CDK8: variants seen among roughly 807,000 people sequenced by gnomAD.
CDK8 encodes the protein cyclin-dependent kinase 8.
A neutral mutation model predicts 71.5 loss-of-function variants in CDK8; 29 were observed. That is an observed-to-expected ratio of 0.41 (90% CI 0.30 to 0.55). The LOEUF (loss-of-function observed/expected upper bound fraction) is 0.55, where lower values mean the gene tolerates loss of function less well. Ranked by LOEUF, CDK8 falls within the 20% of genes least tolerant of loss-of-function variation. The pLI is 0.37. For missense variants in CDK8, 288 were observed against 572.6 expected, an observed-to-expected ratio of 0.50 and a Z score of 5.07; for synonymous variants, 161 against 192.1, an observed-to-expected ratio of 0.84 and a Z score of 1.34.
intron 1 of CDK8, among the ~76,000 whole-genome samples, chr13:26,335,354 T>G (rs1872933423): frequency 6.6e-6 from 1 of 152,222 alleles, no homozygotes; most frequent in South Asian, 2.1e-4. Flanking sequence ...TGCAGATTTT[T>G]GTACTATTTG....
At chr13:26,359,294 A>G (rs1874030763) in intron 4 of CDK8, among the ~76,000 whole-genome samples, 1 of 151,668 alleles carries the variant, frequency 6.6e-6, no homozygotes, top group Non-Finnish European at 1.5e-5. Flanking sequence ...CGGTGGTTGC[A>G]CAGCATTATG....
At chr13:26,361,942 A>G (rs192879640) in intron 4 of CDK8, among the ~76,000 whole-genome samples, 7 of 151,482 alleles carry the variant, frequency 4.6e-5, no homozygotes, top group Non-Finnish European at 8.8e-5. Context: ...TTTGTAAATT[A>G]ATTTTCTAAT....
chr13:26,330,528 G>C (rs1360183763), intron 1 of CDK8, among the ~76,000 whole-genome samples: 1 of 151,996 alleles, frequency 6.6e-6, no homozygotes, highest in East Asian at 1.9e-4. Context: ...TTATCTTACT[G>C]TATGTTTATA....
At chr13:26,266,471 C>T (rs1165683988) in intron 1 of CDK8, among the ~76,000 whole-genome samples, 3 of 152,092 alleles carry the variant, frequency 2.0e-5, no homozygotes, top group African/African-American at 7.2e-5. Flanking sequence ...GAGTGTACAG[C>T]TTACTGGCTG....
intron 6 of CDK8, among the ~76,000 whole-genome samples, chr13:26,386,227 T>G (rs1361372592): frequency 1.3e-5 from 2 of 152,246 alleles, no homozygotes; most frequent in Admixed American, 1.3e-4. Flanking sequence ...TTGCTAACCA[T>G]AGTTCCCACA....
At chr13:26,353,631 A>G (rs1048725631) in intron 3 of CDK8, 109 bp from the exon 4 acceptor site, 3 of 845,962 alleles carry the variant, frequency 3.5e-6, no homozygotes, top group Admixed American at 2.9e-5. Flanking sequence ...TATATTTTCA[A>G]TATCTATGGG....
At chr13:26,371,891 T>A (rs1326134744) in intron 4 of CDK8, among the ~76,000 whole-genome samples, 1 of 152,180 alleles carries the variant, frequency 6.6e-6, no homozygotes, top group Non-Finnish European at 1.5e-5. Flanking sequence ...GTGCTGAGAT[T>A]ACGAGCATGA....
chr13:26,362,222 AGATGGATGGATG>A lies in CDK8; in HGVS notation c.456+8378_456+8389del, dbSNP rs66479948. ...GATGTATGTGTGGATGATAGATGATAGATGGATGGATGGATGGATGGATGGATGGATGGATGG... is the reference window on the plus strand; with the variant it reads ...GATGTATGTGTGGATGATAGATGATAGATGGATGGATGGATGGATGGATGG... On this transcript the variant is annotated intron_variant, in intron 4 of 12. Transcript: ENST00000381527. Among the ~76,000 whole-genome samples, 360 of 146,768 alleles carry A rather than the reference AGATGGATGGATG, an allele frequency of 2.5e-3. 2 individuals are homozygous for A. Among genetic ancestry groups the A allele is most frequent in the African/African-American group, 8.2e-3 (319 of 38,978 alleles).
chr13:26,379,566 TCCCAGCTG>T (rs1179164850), intron 4 of CDK8, among the ~76,000 whole-genome samples: 1 of 152,084 alleles, frequency 6.6e-6, no homozygotes, highest in Non-Finnish European at 1.5e-5. Context: ...CAGATCTGTG[TCCCAGCTG>T]CTGAATGAGT....
chr13:26,386,335 G>T (rs1223869251), intron 6 of CDK8, among the ~76,000 whole-genome samples: 2 of 152,118 alleles, frequency 1.3e-5, no homozygotes, highest in East Asian at 3.8e-4. Context: ...ATTCTCTTTG[G>T]TTGCATTATC....
chr13:26,368,158 C>T (rs755147203), intron 4 of CDK8, among the ~76,000 whole-genome samples: 9 of 152,182 alleles, frequency 5.9e-5, no homozygotes, highest in Admixed American at 1.3e-4. Flanking sequence ...CCACATTTTA[C>T]ACAGTCGAAT....
At chr13:26,299,360 G>A (rs983416543) in intron 1 of CDK8, among the ~76,000 whole-genome samples, 1 of 152,160 alleles carries the variant, frequency 6.6e-6, no homozygotes, top group African/African-American at 2.4e-5. Flanking sequence ...ACATTATAGA[G>A]TAGTGTACTT....
At chr13:26,339,003 C>T (rs900449057) in intron 2 of CDK8, among the ~76,000 whole-genome samples, 7 of 151,906 alleles carry the variant, frequency 4.6e-5, no homozygotes, top group Non-Finnish European at 1.0e-4. Context: ...AGTTCAGAAA[C>T]AGCTATTATC....
intron 1 of CDK8, among the ~76,000 whole-genome samples, chr13:26,304,313 C>T (rs984988760): frequency 6.6e-6 from 1 of 151,346 alleles, no homozygotes; most frequent in African/African-American, 2.4e-5. Context: ...CTCTTTTATG[C>T]AATATGTAAG....
intron 1 of CDK8, among the ~76,000 whole-genome samples, chr13:26,296,507 T>G (rs1444459257): frequency 1.3e-5 from 2 of 152,202 alleles, no homozygotes; most frequent in African/African-American, 4.8e-5. Flanking sequence ...TCTCAGATTG[T>G]TTCCAAGAGC....
intron 6 of CDK8, among the ~76,000 whole-genome samples, chr13:26,388,862 C>G (rs1875605024): frequency 6.6e-6 from 1 of 152,136 alleles, no homozygotes; most frequent in Non-Finnish European, 1.5e-5. Context: ...CCTCCTCCTC[C>G]TCACCAACAT....
chr13:26,287,317 G>A (rs1445811065), intron 1 of CDK8, among the ~76,000 whole-genome samples: 4 of 152,156 alleles, frequency 2.6e-5, no homozygotes, highest in African/African-American at 7.2e-5. Context: ...CGCCCAGGCT[G>A]GAGTGCAGTG....
At chr13:26,373,802 A>G (rs1456217850) in intron 4 of CDK8, among the ~76,000 whole-genome samples, 1 of 152,122 alleles carries the variant, frequency 6.6e-6, no homozygotes, top group Non-Finnish European at 1.5e-5. Context: ...GTATTTGAAA[A>G]TTAACTTTCC....
At chr13:26,380,418 C>T (rs757692563) in intron 4 of CDK8, among the ~76,000 whole-genome samples, 4 of 152,050 alleles carry the variant, frequency 2.6e-5, no homozygotes, top group African/African-American at 4.8e-5. Context: ...TGACCTCAGG[C>T]GACCCGCCCA....
Sources: allele counts gnomAD v4.1 joint callset (sites outside exome capture counted in the v4.1 genomes callset), GRCh38; gene constraint gnomAD v4.1.1; transcripts MANE v1.5; gene names NCBI Gene and HGNC (gene_info 2026-07-23, HGNC 2026-07-21).